Variants in MOCOS observed in about 807,000 individuals in gnomAD.
MOCOS encodes molybdenum cofactor sulfurase.
In MOCOS, 86 loss-of-function variants were observed where a neutral mutation model predicts 83.6. The observed-to-expected ratio is 1.03, with a 90% CI of 0.86 to 1.23. The LOEUF (loss-of-function observed/expected upper bound fraction) is 1.23, where lower values mean the gene tolerates loss of function less well. Among genes scored for constraint, MOCOS ranks in the 50% most tolerant of loss-of-function variants. The pLI is 0.00. For synonymous variants in MOCOS, 445 were observed against 434.7 expected (o/e 1.02, Z -0.29); for missense variants, 1,120 against 1,126.9 (o/e 0.99, Z 0.09).
intron 11 of MOCOS, among the ~76,000 whole-genome samples, chr18:36,251,636 C>T (rs1378677850): frequency 2.0e-5 from 3 of 152,156 alleles, no homozygotes; most frequent in Non-Finnish European, 4.4e-5. Flanking sequence ...ACCTGGCTTG[C>T]TAGTTTTTAG....
chr18:36,266,234 C>T (rs1002664403), intron 13 of MOCOS, among the ~76,000 whole-genome samples: 3 of 152,088 alleles, frequency 2.0e-5, no homozygotes, highest in African/African-American at 7.2e-5. Context: ...CTCCCGGGTT[C>T]AAGTGATTCT....
At chr18:36,212,795 A>G (rs1002757729) in intron 6 of MOCOS, among the ~76,000 whole-genome samples, 15 of 152,124 alleles carry the variant, frequency 9.9e-5, no homozygotes, top group Non-Finnish European at 2.1e-4. Context: ...ATTTTCCTGA[A>G]TGCAGTTCAG....
intron 6 of MOCOS, among the ~76,000 whole-genome samples, chr18:36,211,764 A>G (rs1029406758): frequency 2.6e-5 from 4 of 151,722 alleles, no homozygotes; most frequent in Non-Finnish European, 5.9e-5. Context: ...CTCTCCTGCC[A>G]TGAGACTTTG....
rs545780580 is a variant in MOCOS at position 36,229,433 on chromosome 18, C to T, written c.1960+9216C>T. ...AAGTCAGTTTTCCCTTGCCTTTTTC[C>T]TTCCTTTTGACTTTTGGCAATCTGA... On this transcript the variant is annotated intron_variant, in intron 9 of 14. Coordinates refer to ENST00000261326, the MANE Select transcript of MOCOS (RefSeq NM_017947.4). Among the ~76,000 whole-genome samples the T allele has an allele frequency of 2.6e-5, 4 of 152,076 alleles. No homozygotes were observed. The East Asian group carries it at 7.7e-4, about 29-fold the overall frequency.
At chr18:36,198,868 T>C in intron 3 of MOCOS, 112 bp downstream of exon 3, 1 of 1,170,352 alleles carries the variant, frequency 8.5e-7, no homozygotes, top group Non-Finnish European at 1.3e-6. Flanking sequence ...AGGATCACAG[T>C]TGGCTAAAAG....
chr18:36,246,041 T>A (rs553882619), intron 9 of MOCOS, among the ~76,000 whole-genome samples: 14 of 152,326 alleles, frequency 9.2e-5, no homozygotes, highest in East Asian at 7.7e-4. Context: ...TGTATTTTTT[T>A]AAATTTCTTT....
intron 13 of MOCOS, among the ~76,000 whole-genome samples, chr18:36,264,465 G>A (rs1028503547): frequency 6.6e-6 from 1 of 152,108 alleles, no homozygotes; most frequent in African/African-American, 2.4e-5. Flanking sequence ...GCTTTGTGGC[G>A]TTACAAAAGC....
rs1344504679 is a variant in MOCOS at position 36,271,189 on chromosome 18, T to G, written c.*2504T>G. The stretch of plus-strand genomic sequence containing the variant: ...ACAGCACTATTATTTGGTTATCTAC[T>G]TATAATTACTGATTTAACATTGATC... On this transcript the variant is annotated 3_prime_UTR_variant, in exon 15 of 15. Coordinates refer to ENST00000261326, the MANE Select transcript of MOCOS (RefSeq NM_017947.4). 6.6e-6 allele frequency: 1 copy of G among 152,146 alleles called. No homozygotes were observed. The highest frequency in any genetic ancestry group is 2.1e-4 in the South Asian group (1 of 4,818). The allele number at this position is 152,146 out of a possible 1,614,324, so 9.4% of individuals were successfully genotyped here.
chr18:36,188,398 G>A (rs2144888438), intron 1 of MOCOS, among the ~76,000 whole-genome samples: 1 of 152,332 alleles, frequency 6.6e-6, no homozygotes, highest in South Asian at 2.1e-4. Context: ...AGCGGAACAG[G>A]CTGATGAAAT....
At chr18:36,235,745 C>G (rs1388953469) in intron 9 of MOCOS, among the ~76,000 whole-genome samples, 2 of 150,968 alleles carry the variant, frequency 1.3e-5, no homozygotes, top group Non-Finnish European at 3.0e-5. Flanking sequence ...ACAGTCCCAA[C>G]AACAGTGTAA....
chr18:36,191,041 A>AAAAAG (rs1379206624), intron 1 of MOCOS, among the ~76,000 whole-genome samples: 1 of 110,036 alleles, frequency 9.1e-6, no homozygotes, highest in African/African-American at 3.7e-5. Flanking sequence ...AGAAAAAGAA[A>AAAAAG]AAAAAGTGTG....
chr18:36,247,767 C>G lies in MOCOS; in HGVS notation c.1961-1155C>G, dbSNP rs116240080. On this transcript the variant is annotated intron_variant, in intron 9 of 14. Coordinates refer to ENST00000261326, the MANE Select transcript of MOCOS (RefSeq NM_017947.4). Reference sequence around the variant, plus strand: ...ATTTTTGGCCATCTTGTGTTTGCAGCAGCAAGCTGCTTCTTTCAAAGTGTC... The same window carrying G: ...ATTTTTGGCCATCTTGTGTTTGCAGGAGCAAGCTGCTTCTTTCAAAGTGTC... Among the ~76,000 whole-genome samples, 423 of 152,332 alleles carry G rather than the reference C, an allele frequency of 2.8e-3. 2 individuals carry two copies. Among genetic ancestry groups the G allele is most frequent in the African/African-American group, 9.7e-3 (405 of 41,584 alleles).
At chr18:36,198,158 C>A (rs1388932575) in intron 2 of MOCOS, among the ~76,000 whole-genome samples, 1 of 152,122 alleles carries the variant, frequency 6.6e-6, no homozygotes, top group Admixed American at 6.5e-5. Flanking sequence ...GAGGCTGAGG[C>A]AGGAAGATTG....
At chr18:36,256,795 CTT>C in intron 11 of MOCOS, 171 bp from the exon 12 acceptor site, 1 of 648,210 alleles carries the variant, frequency 1.5e-6, no homozygotes, top group Non-Finnish European at 2.8e-6. Context: ...CCTTTTGCCT[CTT>C]TATTGAGAGA....
At chr18:36,251,367 ACGGGTGACTTG>A in intron 11 of MOCOS, 84 bp downstream of exon 11, 3 of 1,535,938 alleles carry the variant, frequency 2.0e-6, no homozygotes, top group Non-Finnish European at 2.7e-6. Context: ...AACTGCACTT[ACGGGTGACTTG>A]CTGATGTATG....
At chr18:36,224,930 C>G (rs1598881870) in intron 9 of MOCOS, among the ~76,000 whole-genome samples, 1 of 152,266 alleles carries the variant, frequency 6.6e-6, no homozygotes, top group South Asian at 2.1e-4. Flanking sequence ...CTGATTCAAT[C>G]TTCATACTAG....
At chr18:36,257,230 C>T (rs939747361) in intron 12 of MOCOS, among the ~76,000 whole-genome samples, 157 bp downstream of exon 12, 12 of 152,166 alleles carry the variant, frequency 7.9e-5, no homozygotes, top group Admixed American at 2.6e-4. Context: ...AGTAAGCAGG[C>T]CCTTTTGTCC....
intron 9 of MOCOS, among the ~76,000 whole-genome samples, chr18:36,239,531 AG>A (rs1199057832): frequency 6.6e-6 from 1 of 150,794 alleles, no homozygotes; most frequent in Non-Finnish European, 1.5e-5. Flanking sequence ...CTTCCCTTTG[AG>A]GGTAACCCGA....
intron 8 of MOCOS, among the ~76,000 whole-genome samples, chr18:36,219,606 G>A (rs2091488286): frequency 6.6e-6 from 1 of 152,142 alleles, no homozygotes; most frequent in South Asian, 2.1e-4. Context: ...TTAAACCCAG[G>A]AGGCAGAGGT....
Sources: allele counts gnomAD v4.1 joint callset (sites outside exome capture counted in the v4.1 genomes callset), GRCh38; gene constraint gnomAD v4.1.1; transcripts MANE v1.5; gene names NCBI Gene and HGNC (gene_info 2026-07-23, HGNC 2026-07-21).